PIGR: variants seen among roughly 807,000 people sequenced by gnomAD.
PIGR encodes the protein hepatocellular carcinoma associated protein TB6.
Under a neutral mutation model 69.5 loss-of-function variants are expected in PIGR, and 22 were observed. The observed-to-expected ratio is 0.32, with a 90% CI of 0.23 to 0.45. The LOEUF (loss-of-function observed/expected upper bound fraction) is 0.45. Among genes scored for constraint, PIGR ranks in the 20% least tolerant of loss-of-function variants. The probability of loss-of-function intolerance (pLI) is 1.00; values close to 1 mark genes in which losing one functional copy is unlikely to be tolerated. For synonymous variants in PIGR, 413 were observed against 407.6 expected (o/e 1.01, Z -0.16); for missense variants, 885 against 974.0 (o/e 0.91, Z 1.22).
rs7542760 is a variant in PIGR, at chr1:206,934,461, G to A, written c.1664C>T (p.Thr555Ile). Residue 555 changes from threonine to isoleucine, a missense_variant, in exon 6 of 11, where the codon ACT (threonine) becomes ATT (isoleucine). Thr to Ile is a moderately conservative substitution (Grantham distance 89). Transcript: ENST00000356495. The part of the protein sequence containing the change: ...GVKQGHFYGE[T>I]AAVYVAVEER... ...TTCAACTGCCACATAGACGGCTGCA[G>A]TCTCTCCATAGAAGTGGCCCTGCTT... 19,668 of 1,614,056 alleles carry A rather than the reference G, an allele frequency of 0.012. 1,916 individuals are homozygous for A. The African/African-American group carries it at 0.22, about 18-fold the overall frequency.
rs1172729074 is a variant in PIGR, at chr1:206,939,222, C to T, written c.285G>A (p.Val95=). The T allele has an allele frequency of 5.0e-6, 8 of 1,614,098 alleles. No homozygotes were observed. Among genetic ancestry groups the T allele is most frequent in the African/African-American group, 4.0e-5 (3 of 74,942 alleles). ...CATCCTGGCTCAGCTGGGCAATGTTCACCACAAATGTGCCGTTCTCCGGGA... is the reference window on the plus strand; with the variant it reads ...CATCCTGGCTCAGCTGGGCAATGTTTACCACAAATGTGCCGTTCTCCGGGA... The part of the protein sequence containing the change: ...TNFPENGTFV[V]NIAQLSQDDS... Residue 95 remains valine (V), a synonymous_variant, in exon 3 of 11, where the codon GTG becomes GTA. Coordinates refer to ENST00000356495, the MANE Select transcript of PIGR (RefSeq NM_002644.4).
intron 1 of PIGR, among the ~76,000 whole-genome samples, chr1:206,945,279 G>A (rs1467516791): frequency 1.3e-5 from 2 of 152,314 alleles, no homozygotes; most frequent in Admixed American, 6.5e-5. Flanking sequence ...CCCTAGTGAA[G>A]GGGGAAAGTG....
At chr1:206,940,661 T>A in intron 1 of PIGR, 77 bp from the exon 2 acceptor site, 3 of 879,348 alleles carry the variant, frequency 3.4e-6, no homozygotes, top group South Asian at 2.0e-5. Context: ...TTCTGTGACA[T>A]CTATTTGGCT....
At chr1:206,941,284 T>C (rs1178089720) in intron 1 of PIGR, among the ~76,000 whole-genome samples, 2 of 151,888 alleles carry the variant, frequency 1.3e-5, no homozygotes, top group East Asian at 1.9e-4. Context: ...GTACACAGAA[T>C]GGGGGTCGGG....
Position 206,933,285 on chromosome 1 carries a change from C to T in PIGR, c.1706-119G>A, listed in dbSNP as rs138904409. ...ACAGGGTCAGGGTTCGATCTCAAGGCTGTTGGGGTAGGACCCAGGATGACA... is the reference window on the plus strand; with the variant it reads ...ACAGGGTCAGGGTTCGATCTCAAGGTTGTTGGGGTAGGACCCAGGATGACA... On this transcript the variant is annotated intron_variant, in intron 6 of 10. Coordinates refer to ENST00000356495, the MANE Select transcript of PIGR (RefSeq NM_002644.4). The T allele has an allele frequency of 1.2e-3, 1,190 of 971,766 alleles. 15 individuals carry two copies. The African/African-American group carries it at 0.018, about 15-fold the overall frequency. 60.2% of individuals were successfully genotyped at this position (971,766 alleles called of 1,614,324 possible).
rs1179539227 is a variant in PIGR at position 206,928,712 on chromosome 1, C to T, written c.*1606G>A. On this transcript the variant is annotated 3_prime_UTR_variant, in exon 11 of 11. Coordinates refer to ENST00000356495, the MANE Select transcript of PIGR (RefSeq NM_002644.4). ...TCCCTTCAACTTGGAACTCTTCAAA[C>T]ATCAGGGGTTGTGAGGGTTTGGCCA... is the stretch of plus-strand genomic sequence containing the variant. 3 of 152,652 alleles carry T rather than the reference C, an allele frequency of 2.0e-5. No individual in the cohort carries two copies. Among genetic ancestry groups the T allele is most frequent in the Non-Finnish European group, 4.4e-5 (3 of 68,054 alleles). The allele number at this position is 152,652 out of a possible 1,614,324, so 9.5% of individuals were successfully genotyped here.
intron 1 of PIGR, among the ~76,000 whole-genome samples, chr1:206,944,345 G>C (rs1680059029): frequency 6.6e-6 from 1 of 152,018 alleles, no homozygotes; most frequent in African/African-American, 2.4e-5. Flanking sequence ...TGGTGGCATG[G>C]GTCTGTAATC....
intron 1 of PIGR, among the ~76,000 whole-genome samples, chr1:206,941,209 G>A (rs1263372462): frequency 6.6e-6 from 1 of 152,078 alleles, no homozygotes; most frequent in Non-Finnish European, 1.5e-5. Flanking sequence ...CATTCACATG[G>A]GAGGAAATGA....
chr1:206,944,433 A>G (rs1680061777), intron 1 of PIGR, among the ~76,000 whole-genome samples: 1 of 152,182 alleles, frequency 6.6e-6, no homozygotes, highest in Non-Finnish European at 1.5e-5. Context: ...AGATCACGCC[A>G]CTGCATTCCA....
chr1:206,938,235 T>C (rs924307837), intron 3 of PIGR, among the ~76,000 whole-genome samples: 2 of 152,206 alleles, frequency 1.3e-5, no homozygotes, highest in African/African-American at 4.8e-5. Flanking sequence ...AAATGGGCTG[T>C]CTCAGGGAGC....
In PIGR at chr1:206,945,911, A is replaced by G. The variant is rs147987916; in HGVS notation, c.-54+425T>C. Among the ~76,000 whole-genome samples the G allele has an allele frequency of 3.0e-3, 457 of 152,332 alleles. 3 individuals carry two copies. Among genetic ancestry groups the G allele is most frequent in the African/African-American group, 0.011 (439 of 41,566 alleles). On this transcript the variant is annotated intron_variant, in intron 1 of 10. Transcript: ENST00000356495. ...CCTGTGTTTTCTCATTTGAACCCAC[A>G]TTGACCCTGAATGATAGGTGTTATT...
intron 8 of PIGR, 74 bp downstream of exon 8, chr1:206,932,382 C>T (rs528867294): frequency 6.8e-7 from 1 of 1,468,244 alleles, no homozygotes; most frequent in Admixed American, 2.4e-5. Context: ...ACAGCAGCTT[C>T]CTCTATGGGT....
chr1:206,930,196 A>G lies in PIGR; in HGVS notation c.*122T>C. ...AGGGGACCAGCACGCCTCTGAGGAC[A>G]GTAGGAAAAACCTAGGCAGGTGTTA... On this transcript the variant is annotated 3_prime_UTR_variant, in exon 11 of 11. Transcript: ENST00000356495. This position sits in a 1 kb window ranked among gnomAD's most constrained non-coding sequence, Gnocchi z 4.3. 1.4e-6 allele frequency: 1 copy of G among 734,040 alleles called. No individual in the cohort carries two copies. The highest frequency in any genetic ancestry group is 2.1e-5 in the South Asian group (1 of 47,526). The allele number at this position is 734,040 out of a possible 1,614,324, so 45.5% of individuals were successfully genotyped here.
Position 206,932,548 on chromosome 1 carries a change from G to C in PIGR, c.1916C>G (p.Ala639Gly). The C allele has an allele frequency of 6.2e-7, 1 of 1,613,742 alleles. No individual in the cohort carries two copies. Among genetic ancestry groups the C allele is most frequent in the Non-Finnish European group, 8.5e-7 (1 of 1,179,864 alleles). The part of the protein sequence containing the change: ...SSEEQGGSSR[A>G]LVSTLVPLGL... ...CAGGGGCACCAGGGTGGAGACCAGCGCTCTGGAGCTTCCACCTTGTTCCTC... is the reference window on the plus strand; with the variant it reads ...CAGGGGCACCAGGGTGGAGACCAGCCCTCTGGAGCTTCCACCTTGTTCCTC... Residue 639 changes from alanine to glycine, a missense_variant, in exon 8 of 11, where the codon GCG becomes GGG. Coordinates refer to ENST00000356495, the MANE Select transcript of PIGR (RefSeq NM_002644.4).
At position 206,930,518 on chromosome 1, in the gene PIGR, G is replaced by A; in HGVS notation, c.2200-105C>T. 4 of 1,427,862 alleles carry A rather than the reference G, an allele frequency of 2.8e-6. No homozygotes were observed. Among genetic ancestry groups the A allele is most frequent in the Non-Finnish European group, 3.7e-6 (4 of 1,087,056 alleles). The allele number at this position is 1,427,862 out of a possible 1,614,324, so 88.4% of individuals were successfully genotyped here. A position where few individuals can be genotyped will look rare whatever the true frequency, so the allele number is the denominator to read the frequency against. On this transcript the variant is annotated intron_variant, in intron 10 of 10. Transcript: ENST00000356495. The surrounding 1 kb of genome is among the most constrained non-coding windows in gnomAD (Gnocchi z 4.3). ...TCCTGAATTCGTGATCTTGGTCCAAGCAACACAAGCCTTTGGGGCCCACTG... is the reference window on the plus strand; with the variant it reads ...TCCTGAATTCGTGATCTTGGTCCAAACAACACAAGCCTTTGGGGCCCACTG...
chr1:206,944,085 T>TGG (rs1199099267), intron 1 of PIGR, among the ~76,000 whole-genome samples: 1 of 152,204 alleles, frequency 6.6e-6, no homozygotes. Flanking sequence ...GAGGAAGCAG[T>TGG]GGAGAGAGGA....
chr1:206,932,634 T>C, intron 7 of PIGR, 57 bp from the exon 8 acceptor site: 3 of 1,546,810 alleles, frequency 1.9e-6, no homozygotes, highest in East Asian at 2.3e-5. Context: ...GGCCCGACGA[T>C]GTGCTGGCAA....
At chr1:206,936,965 C>G (rs1307021076) in intron 4 of PIGR, 130 bp downstream of exon 4, 1 of 898,232 alleles carries the variant, frequency 1.1e-6, no homozygotes, top group Non-Finnish European at 1.6e-6. Context: ...GCCTCCAGTT[C>G]GGGGCTGGTC....
At chr1:206,932,099 G>C (rs759057674) in intron 8 of PIGR, among the ~76,000 whole-genome samples, 1 of 152,156 alleles carries the variant, frequency 6.6e-6, no homozygotes, top group Non-Finnish European at 1.5e-5. Flanking sequence ...CTTGACTTGA[G>C]CCATGAGGAA....
Sources: allele counts gnomAD v4.1 joint callset (sites outside exome capture counted in the v4.1 genomes callset), GRCh38; gene constraint gnomAD v4.1.1; non-coding constraint Gnocchi (gnomAD v3.1); transcripts MANE v1.5; gene names NCBI Gene and HGNC (gene_info 2026-07-23, HGNC 2026-07-21).